The following PDE4B variants were observed in gnomAD, a reference collection of about 807,000 sequenced individuals.
The protein encoded by PDE4B is 3',5'-cyclic-AMP phosphodiesterase 4B.
In PDE4B, 20 loss-of-function variants were observed where a neutral mutation model predicts 82.2. The ratio of observed to expected loss-of-function variants is 0.24; its 90% CI spans 0.17 to 0.35. The LOEUF (loss-of-function observed/expected upper bound fraction) is 0.35. Ranked by LOEUF, PDE4B falls within the 10% of genes least tolerant of loss-of-function variation. The probability of loss-of-function intolerance (pLI) is 1.00; values close to 1 mark genes in which losing one functional copy is unlikely to be tolerated. For missense variants in PDE4B, 655 were observed against 907.2 expected (o/e 0.72, Z 3.57); for synonymous variants, 320 against 318.9 (o/e 1.00, Z -0.04).
intron 13 of PDE4B, among the ~76,000 whole-genome samples, chr1:66,366,347 G>C (rs968136187): frequency 3.9e-5 from 6 of 152,150 alleles, no homozygotes; most frequent in Admixed American, 6.5e-5. Flanking sequence ...GGGTGGTCTA[G>C]CCTTAGGATT....
rs1426893286 is a variant in PDE4B, at chr1:66,101,520, C to T, written c.282-145940C>T. On this transcript the variant is annotated intron_variant, in intron 3 of 16. Coordinates refer to ENST00000341517, the MANE Select transcript of PDE4B (RefSeq NM_002600.4). ...TGTTTCCTGACTTTTTAATGATCGC[C>T]ATTCTAACTGGTGTGAAATGGTATC... 3.3e-5 allele frequency among the ~76,000 whole-genome samples: 5 copies of T among 152,258 alleles called. No individual in the cohort carries two copies. In the East Asian group the frequency reaches 9.6e-4, roughly 29 times the overall value.
At chr1:66,367,599 A>G (rs1435801817) in intron 13 of PDE4B, 97 bp from the exon 14 acceptor site, 1 of 964,536 alleles carries the variant, frequency 1.0e-6, no homozygotes, top group African/African-American at 1.6e-5. Context: ...TCTTGAAATA[A>G]TTTGGAGAGA....
chr1:66,319,879 T>C (rs1206322300), intron 7 of PDE4B, among the ~76,000 whole-genome samples: 1 of 152,134 alleles, frequency 6.6e-6, no homozygotes, highest in Admixed American at 6.6e-5. Context: ...TTTCCAATGG[T>C]TCCTTCTTGC....
chr1:66,114,165 C>T lies in PDE4B; in HGVS notation c.282-133295C>T, dbSNP rs149387798. Among the ~76,000 whole-genome samples, 142 of 152,248 alleles carry T rather than the reference C, an allele frequency of 9.3e-4. 1 individual carries two copies. Among genetic ancestry groups the T allele is most frequent in the African/African-American group, 9.9e-4 (41 of 41,550 alleles). Reference sequence around the variant, plus strand: ...ACGATGTGAGGACACAACAAGGAGGCGCTGTCTATGAACCAGAAAGCAGGC... The same window carrying T: ...ACGATGTGAGGACACAACAAGGAGGTGCTGTCTATGAACCAGAAAGCAGGC... On this transcript the variant is annotated intron_variant, in intron 3 of 16. Transcript: ENST00000341517.
intron 3 of PDE4B, among the ~76,000 whole-genome samples, chr1:65,979,572 T>C (rs757473268): frequency 6.6e-6 from 1 of 152,226 alleles, no homozygotes; most frequent in Non-Finnish European, 1.5e-5. Context: ...AAGGCAAGGC[T>C]TAATCTTGCC....
At chr1:66,298,471 T>G (rs1303172799) in intron 7 of PDE4B, among the ~76,000 whole-genome samples, 1 of 152,162 alleles carries the variant, frequency 6.6e-6, no homozygotes, top group East Asian at 1.9e-4. Context: ...TTTTACATCT[T>G]TAAGTTGAAC....
At chr1:65,876,605 G>A (rs1216065353) in intron 1 of PDE4B, among the ~76,000 whole-genome samples, 1 of 151,898 alleles carries the variant, frequency 6.6e-6, no homozygotes, top group Non-Finnish European at 1.5e-5. Flanking sequence ...TAAATTATTG[G>A]TGGCCAGAGT....
intron 1 of PDE4B, among the ~76,000 whole-genome samples, chr1:65,820,330 A>G (rs1348264101): frequency 1.3e-5 from 2 of 152,260 alleles, no homozygotes; most frequent in Non-Finnish European, 2.9e-5. Context: ...CAATCTGAAC[A>G]ATTCACTATG....
At chr1:65,933,670 A>T (rs1647965004) in intron 3 of PDE4B, among the ~76,000 whole-genome samples, 1 of 143,388 alleles carries the variant, frequency 7.0e-6, no homozygotes, top group African/African-American at 2.5e-5. Context: ...GAATCCGTCT[A>T]AAAAAAAAAA....
At chr1:65,823,002 A>C (rs1037025923) in intron 1 of PDE4B, among the ~76,000 whole-genome samples, 1 of 152,122 alleles carries the variant, frequency 6.6e-6, no homozygotes, top group Non-Finnish European at 1.5e-5. Flanking sequence ...TTTCCTGATA[A>C]TTAATGAGGC....
chr1:65,934,410 C>T (rs1017547174), intron 3 of PDE4B, among the ~76,000 whole-genome samples: 2 of 152,196 alleles, frequency 1.3e-5, no homozygotes, highest in African/African-American at 4.8e-5. Flanking sequence ...TGCCAGTGCA[C>T]TCCAGTCTGG....
At chr1:66,118,497 C>T (rs536447219) in intron 3 of PDE4B, among the ~76,000 whole-genome samples, 153 of 151,880 alleles carry the variant, frequency 1.0e-3, no homozygotes, top group African/African-American at 2.6e-3. Context: ...CGCATGTTCT[C>T]ACTCATAGGT....
At chr1:66,340,985 A>G (rs1660937147) in intron 8 of PDE4B, among the ~76,000 whole-genome samples, 1 of 152,202 alleles carries the variant, frequency 6.6e-6, no homozygotes, top group South Asian at 2.1e-4. Context: ...AAATCAAACC[A>G]AAAAAGATCT....
At chr1:65,957,138 C>A (rs1307385515) in intron 3 of PDE4B, among the ~76,000 whole-genome samples, 1 of 151,426 alleles carries the variant, frequency 6.6e-6, no homozygotes, top group African/African-American at 2.4e-5. Context: ...TATTTTGTCT[C>A]AGGCTGGCTT....
chr1:66,164,995 T>C (rs1356211251), intron 3 of PDE4B, among the ~76,000 whole-genome samples: 3 of 151,830 alleles, frequency 2.0e-5, no homozygotes, highest in African/African-American at 7.3e-5. Context: ...TCTCCTGACC[T>C]TGAGATCTGC....
At chr1:66,225,130 T>A (rs1435825002) in intron 3 of PDE4B, among the ~76,000 whole-genome samples, 2 of 152,142 alleles carry the variant, frequency 1.3e-5, no homozygotes, top group African/African-American at 4.8e-5. Flanking sequence ...TCTCTCTCTC[T>A]CAAACATAAA....
In PDE4B at chr1:66,245,606, C is replaced by A. The variant is rs1368958500; in HGVS notation, c.282-1854C>A. ...CTAACAACGTAGCTCTGCCTCCAGG[C>A]AGGCTGGCAAGCAGGCTGCTAGTAT... On this transcript the variant is annotated intron_variant, in intron 3 of 16. Transcript: ENST00000341517. Among the ~76,000 whole-genome samples, 3 of 152,230 alleles carry A rather than the reference C, an allele frequency of 2.0e-5. No homozygotes were observed. The South Asian group carries it at 6.2e-4, about 32-fold the overall frequency.
chr1:66,236,994 T>C (rs903977907), intron 3 of PDE4B, among the ~76,000 whole-genome samples: 7 of 152,156 alleles, frequency 4.6e-5, no homozygotes, highest in Non-Finnish European at 8.8e-5. Context: ...TGAAATGAGG[T>C]AATATATACC....
At chr1:66,101,660 C>A (rs1645227061) in intron 3 of PDE4B, among the ~76,000 whole-genome samples, 1 of 152,096 alleles carries the variant, frequency 6.6e-6, no homozygotes, top group South Asian at 2.1e-4. Flanking sequence ...ATATCCTTTG[C>A]CCACTTTTTG....
Sources: allele counts gnomAD v4.1 joint callset (sites outside exome capture counted in the v4.1 genomes callset), GRCh38; gene constraint gnomAD v4.1.1; transcripts MANE v1.5; gene names NCBI Gene and HGNC (gene_info 2026-07-23, HGNC 2026-07-21).